The following GRIK4 variants were observed in gnomAD, a reference collection of about 807,000 sequenced individuals.
GRIK4 encodes glutamate receptor ionotropic, kainate 4.
In GRIK4, 40 loss-of-function variants were observed where a neutral mutation model predicts 104.9. That is an observed-to-expected ratio of 0.38 (90% CI 0.30 to 0.50). The LOEUF is 0.50. GRIK4 is among the 20% of genes least tolerant of loss of function. The probability of loss-of-function intolerance (pLI) is 0.93; values close to 1 mark genes in which losing one functional copy is unlikely to be tolerated. For synonymous variants in GRIK4, 485 were observed against 524.9 expected, an observed-to-expected ratio of 0.92 and a Z score of 1.04; for missense variants, 1,047 against 1,308.1, an observed-to-expected ratio of 0.80 and a Z score of 3.08.
chr11:120,664,046 A>G (rs568577548), intron 3 of GRIK4, among the ~76,000 whole-genome samples: 8 of 152,258 alleles, frequency 5.3e-5, no homozygotes, highest in Non-Finnish European at 1.2e-4. Flanking sequence ...GAAGGGCCCA[A>G]CACATGATGC....
chr11:120,522,106 G>C (rs1379383186), intron 1 of GRIK4, among the ~76,000 whole-genome samples: 2 of 152,198 alleles, frequency 1.3e-5, no homozygotes. Context: ...CCAAGTGATA[G>C]AGCCGGGATA....
intron 1 of GRIK4, among the ~76,000 whole-genome samples, chr11:120,603,466 A>G (rs190090571): frequency 1.3e-5 from 2 of 152,298 alleles, no homozygotes; most frequent in East Asian, 1.9e-4. Context: ...TTTCAGAGCC[A>G]GTTTACCTGC....
At chr11:120,892,704 C>T (rs1269191011) in intron 11 of GRIK4, among the ~76,000 whole-genome samples, 3 of 152,126 alleles carry the variant, frequency 2.0e-5, no homozygotes, top group Admixed American at 6.5e-5. Flanking sequence ...GACCTGGGGT[C>T]ACACGACAGA....
intron 9 of GRIK4, among the ~76,000 whole-genome samples, chr11:120,864,382 A>G (rs868501669): frequency 2.6e-4 from 39 of 152,108 alleles, no homozygotes; most frequent in Admixed American, 9.2e-4. Flanking sequence ...CTGGGACTAC[A>G]GGTGCCCGCC....
chr11:120,577,943 C>T (rs1050911926), intron 1 of GRIK4, among the ~76,000 whole-genome samples: 2 of 152,214 alleles, frequency 1.3e-5, no homozygotes, highest in African/African-American at 4.8e-5. Context: ...TCCTTTCCTC[C>T]ATCCCCTGTA....
intron 7 of GRIK4, 44 bp downstream of exon 7, chr11:120,832,074 C>CT (rs1479649719): frequency 7.2e-7 from 1 of 1,392,238 alleles, no homozygotes; most frequent in African/African-American, 1.4e-5. Context: ...GAGCTCCACC[C>CT]TCCCCCCTCC....
intron 3 of GRIK4, among the ~76,000 whole-genome samples, chr11:120,743,878 G>A (rs1265219060): frequency 1.3e-5 from 2 of 152,128 alleles, no homozygotes; most frequent in African/African-American, 4.8e-5. Context: ...TAAAGCTGCT[G>A]GTAAAGAGAA....
intron 3 of GRIK4, among the ~76,000 whole-genome samples, chr11:120,763,929 G>C (rs11821464): frequency 0.016 from 2,460 of 152,254 alleles, 64 homozygotes; most frequent in African/African-American, 0.055. Context: ...TGTTGATTTG[G>C]GGTAGAGAGT....
In GRIK4 at chr11:120,831,980, A is replaced by G. The variant is rs1237864950; in HGVS notation, c.640A>G (p.Thr214Ala). 2 of 1,613,780 alleles carry G rather than the reference A, an allele frequency of 1.2e-6. No homozygotes were observed. The highest frequency in any genetic ancestry group is 1.7e-6 in the Non-Finnish European group (2 of 1,179,950). ...LKEIRDDKTA[T>A]IIIHANASMS... Reference sequence around the variant, plus strand: ...GGAGATCCGGGACGACAAGACCGCCACCATCATCATCCACGCCAACGCCTC... The same window carrying G: ...GGAGATCCGGGACGACAAGACCGCCGCCATCATCATCCACGCCAACGCCTC... The change falls in exon 7 of 21, where the codon ACC becomes GCC. Residue 214 changes from threonine (T) to alanine (A), a missense_variant. By Grantham distance (58) the Thr-to-Ala change is moderately conservative. Around this residue, in one of 3 missense-constraint regions of GRIK4, gnomAD observed 447 missense variants for 514.9 expected, o/e 0.87. Transcript: ENST00000527524.
chr11:120,676,050 G>C (rs753141409), intron 3 of GRIK4, among the ~76,000 whole-genome samples: 4 of 152,148 alleles, frequency 2.6e-5, no homozygotes, highest in Non-Finnish European at 5.9e-5. Flanking sequence ...GTTGTGGATG[G>C]AATTATTTCC....
At chr11:120,879,789 G>A (rs978279195) in intron 11 of GRIK4, among the ~76,000 whole-genome samples, 4 of 152,166 alleles carry the variant, frequency 2.6e-5, no homozygotes, top group African/African-American at 7.2e-5. Flanking sequence ...GATCTCTGCT[G>A]TCCATCTCAT....
intron 7 of GRIK4, among the ~76,000 whole-genome samples, chr11:120,835,549 A>AC (rs141964388): frequency 1.3e-5 from 2 of 149,856 alleles, no homozygotes; most frequent in South Asian, 2.1e-4. Flanking sequence ...AAACAAACAA[A>AC]AAAAGAAGCT....
chr11:120,844,358 A>G (rs1006172905), intron 8 of GRIK4, among the ~76,000 whole-genome samples: 1 of 152,078 alleles, frequency 6.6e-6, no homozygotes, highest in Non-Finnish European at 1.5e-5. Flanking sequence ...TTTTTGTAGC[A>G]TTCATCTCAA....
At chr11:120,560,766 A>C (rs1948230910) in intron 1 of GRIK4, among the ~76,000 whole-genome samples, 1 of 152,212 alleles carries the variant, frequency 6.6e-6, no homozygotes. Context: ...ATGGCTTTTA[A>C]ATTGCTTAGC....
At chr11:120,695,044 G>A (rs1456860015) in intron 3 of GRIK4, among the ~76,000 whole-genome samples, 1 of 152,144 alleles carries the variant, frequency 6.6e-6, no homozygotes, top group Admixed American at 6.5e-5. Flanking sequence ...CAGTCCTGCT[G>A]CCTTCTCTCA....
In GRIK4 at chr11:120,939,770, A is replaced by G. The variant is rs1311551612; in HGVS notation, c.1477-577A>G. The stretch of plus-strand genomic sequence containing the variant: ...GCCAGGGCGGGCAGATCACGGGGTC[A>G]GGAGTTTGAGACCAGCCTGGCCAGC... On this transcript the variant is annotated intron_variant, in intron 13 of 20. Transcript: ENST00000527524. This position sits in a 1 kb window ranked among gnomAD's most constrained non-coding sequence, Gnocchi z 5.6. 6.6e-6 allele frequency among the ~76,000 whole-genome samples: 1 copy of G among 152,176 alleles called. No individual in the cohort carries two copies. The highest frequency in any genetic ancestry group is 1.5e-5 in the Non-Finnish European group (1 of 68,040).
Position 120,962,443 on chromosome 11 carries a change from GTTC to G in GRIK4, c.2041-10_2041-8del. The stretch of plus-strand genomic sequence containing the variant: ...TCTTTTCCCAATCCTGCTTCCTTTT[GTTC>G]TTTTCCCAGAATTCCCGCTACCAGA... On this transcript the variant is annotated splice_polypyrimidine_tract_variant and intron_variant, in intron 17 of 20. Coordinates refer to ENST00000527524, the MANE Select transcript of GRIK4 (RefSeq NM_014619.5). 6.3e-7 allele frequency: 1 copy of G among 1,585,174 alleles called. No individual in the cohort carries two copies. The highest frequency in any genetic ancestry group is 8.7e-7 in the Non-Finnish European group (1 of 1,155,580).
At chr11:120,753,981 C>T (rs1951607949) in intron 3 of GRIK4, among the ~76,000 whole-genome samples, 1 of 152,268 alleles carries the variant, frequency 6.6e-6, no homozygotes, top group South Asian at 2.1e-4. Flanking sequence ...TCATCCCAGC[C>T]CCTGCCAACT....
intron 3 of GRIK4, among the ~76,000 whole-genome samples, chr11:120,661,726 C>T (rs938002251): frequency 6.6e-5 from 10 of 152,264 alleles, no homozygotes; most frequent in African/African-American, 2.4e-4. Context: ...ACCTTGTGGG[C>T]ACAGTTTTTC....
Sources: gnomAD v4.1 joint callset for allele counts (sites outside exome capture counted in the v4.1 genomes callset) on GRCh38, gnomAD v4.1.1 for gene constraint, gnomAD v4.1.1 regional missense constraint, Gnocchi (gnomAD v3.1) non-coding constraint, MANE v1.5 for transcripts, NCBI Gene and HGNC (gene_info 2026-07-23, HGNC 2026-07-21) for gene names.